MOB3B: variants seen among roughly 807,000 people sequenced by gnomAD.
The protein encoded by MOB3B is MOB kinase activator 3B.
In MOB3B, 7 loss-of-function variants were observed where a neutral mutation model predicts 18.7. The observed-to-expected ratio is 0.37, with a 90% CI of 0.21 to 0.70. MOB3B has a LOEUF of 0.70. Ranked by LOEUF, MOB3B falls within the 30% of genes least tolerant of loss-of-function variation. MOB3B has a pLI of 0.52. For missense variants in MOB3B, 253 were observed against 281.3 expected (o/e 0.90, Z 0.72); for synonymous variants, 111 against 99.9 (o/e 1.11, Z -0.66).
At chr9:27,453,700 G>A (rs1311522954) in intron 2 of MOB3B, among the ~76,000 whole-genome samples, 1 of 152,130 alleles carries the variant, frequency 6.6e-6, no homozygotes, top group East Asian at 1.9e-4. Context: ...GACACAGGGG[G>A]AAGGACAAAG....
intron 1 of MOB3B, among the ~76,000 whole-genome samples, chr9:27,482,641 C>T (rs1287813214): frequency 6.6e-6 from 1 of 151,098 alleles, no homozygotes; most frequent in Non-Finnish European, 1.5e-5. Context: ...CACCATTGCC[C>T]GTGCTGGTGG....
intron 2 of MOB3B, chr9:27,397,067 T>G (rs1298584391): frequency 6.6e-6 from 1 of 152,194 alleles, no homozygotes; most frequent in Non-Finnish European, 1.5e-5. Context: ...CTTTGTGTAG[T>G]GGAAAAGACC....
chr9:27,472,668 C>T (rs576569948), intron 1 of MOB3B, among the ~76,000 whole-genome samples: 1 of 120,122 alleles, frequency 8.3e-6, no homozygotes, highest in South Asian at 2.8e-4. Context: ...CTTTAAACTG[C>T]ACTTTATTCT....
At chr9:27,365,162 CAAAAAA>C (rs61043046) in intron 2 of MOB3B, among the ~76,000 whole-genome samples, 35 of 109,814 alleles carry the variant, frequency 3.2e-4, no homozygotes, top group African/African-American at 1.2e-3. Flanking sequence ...TTGGGGGAGG[CAAAAAA>C]AAAAAAAGAA....
In MOB3B at chr9:27,359,163, G is replaced by A. The variant is rs1032103404; in HGVS notation, c.492C>T (p.His164=). 7 of 1,614,006 alleles carry A rather than the reference G, an allele frequency of 4.3e-6. No individual in the cohort carries two copies. Among genetic ancestry groups the A allele is most frequent in the Admixed American group, 1.7e-5 (1 of 59,994 alleles). Residue 164 remains histidine (H), a synonymous_variant, in exon 3 of 4, where the codon CAC becomes CAT. Coordinates refer to ENST00000262244, the MANE Select transcript of MOB3B (RefSeq NM_024761.5). The part of the protein sequence containing the change: ...ILCRLFRVFV[H]VYIHHFDRVI... ...CCCGGTCGAAGTGGTGGATATAGAC[G>A]TGGACAAAGACCCGGAAAAGGCGGC...
chr9:27,459,174 T>G (rs1587231301), intron 1 of MOB3B, among the ~76,000 whole-genome samples: 1 of 152,314 alleles, frequency 6.6e-6, no homozygotes, highest in Non-Finnish European at 1.5e-5. Context: ...AAAAGGGAAC[T>G]GTAAATGCAC....
intron 2 of MOB3B, among the ~76,000 whole-genome samples, chr9:27,426,125 TC>T (rs892197772): frequency 4.6e-5 from 7 of 152,144 alleles, no homozygotes; most frequent in Non-Finnish European, 8.8e-5. Flanking sequence ...GCTACTGTTA[TC>T]CCCCATTTTA....
At chr9:27,433,413 A>T (rs1480083601) in intron 2 of MOB3B, among the ~76,000 whole-genome samples, 3 of 152,198 alleles carry the variant, frequency 2.0e-5, no homozygotes, top group Admixed American at 2.0e-4. Flanking sequence ...ATTAAGCCAC[A>T]TAGAGGTGAA....
At chr9:27,420,732 G>A (rs970876890) in intron 2 of MOB3B, among the ~76,000 whole-genome samples, 1 of 151,298 alleles carries the variant, frequency 6.6e-6, no homozygotes, top group Non-Finnish European at 1.5e-5. Flanking sequence ...TGATATGTGG[G>A]AGCTAAGCTA....
At chr9:27,502,988 C>A (rs1977661) in intron 1 of MOB3B, among the ~76,000 whole-genome samples, 19,569 of 152,158 alleles carry the variant, frequency 0.13, 1,412 homozygotes, top group East Asian at 0.3. Flanking sequence ...ATCTGCAGAC[C>A]CTTTTTCTTG....
chr9:27,430,169 GCA>G (rs373959931), intron 2 of MOB3B, among the ~76,000 whole-genome samples: 11 of 152,256 alleles, frequency 7.2e-5, no homozygotes, highest in African/African-American at 2.4e-4. Flanking sequence ...CCTCTGCCAG[GCA>G]CACCTTTTTA....
chr9:27,476,037 T>C (rs1819549285), intron 1 of MOB3B, among the ~76,000 whole-genome samples: 1 of 152,230 alleles, frequency 6.6e-6, no homozygotes, highest in African/African-American at 2.4e-5. Flanking sequence ...AATGTTGCTA[T>C]ATTGGTTTAC....
At chr9:27,525,314 A>G (rs1283242750) in intron 1 of MOB3B, among the ~76,000 whole-genome samples, 1 of 152,206 alleles carries the variant, frequency 6.6e-6, no homozygotes, top group East Asian at 1.9e-4. Flanking sequence ...GGAGCAGAGA[A>G]TGTTGCAAAA....
At chr9:27,402,145 C>T (rs1443366469) in intron 2 of MOB3B, among the ~76,000 whole-genome samples, 4 of 152,192 alleles carry the variant, frequency 2.6e-5, no homozygotes, top group Non-Finnish European at 4.4e-5. Context: ...AACTGTAACA[C>T]TTATAAAGCA....
intron 3 of MOB3B, among the ~76,000 whole-genome samples, chr9:27,339,692 T>A (rs371822212): frequency 6.6e-6 from 1 of 152,240 alleles, no homozygotes; most frequent in Non-Finnish European, 1.5e-5. Context: ...CTGGCCAAGG[T>A]TGAAACTTGA....
At chr9:27,381,363 C>T (rs1202658551) in intron 2 of MOB3B, among the ~76,000 whole-genome samples, 2 of 152,162 alleles carry the variant, frequency 1.3e-5, no homozygotes, top group East Asian at 3.9e-4. Flanking sequence ...CTGAGGACTG[C>T]TAAAGACTTA....
Position 27,351,957 on chromosome 9 carries a change from T to G in MOB3B, c.621+7077A>C, listed in dbSNP as rs189122247. Among the ~76,000 whole-genome samples, 103 of 152,244 alleles carry G rather than the reference T, an allele frequency of 6.8e-4. 1 individual carries two copies. Among genetic ancestry groups the G allele is most frequent in the Middle Eastern group, 6.8e-3 (2 of 292 alleles). On this transcript the variant is annotated intron_variant, in intron 3 of 3. Coordinates refer to ENST00000262244, the MANE Select transcript of MOB3B (RefSeq NM_024761.5). ...TTTTGGTGGTAGAGCCTACCATAAA[T>G]CTCAATCATTAGCCAAGAGGCACCT... is the stretch of plus-strand genomic sequence containing the variant.
chr9:27,434,248 G>T (rs1013319344), intron 2 of MOB3B, among the ~76,000 whole-genome samples: 1 of 152,102 alleles, frequency 6.6e-6, no homozygotes, highest in Non-Finnish European at 1.5e-5. Flanking sequence ...CAATATACTT[G>T]TCTTTCCTGC....
At chr9:27,441,912 A>G (rs554941501) in intron 2 of MOB3B, among the ~76,000 whole-genome samples, 34 of 152,084 alleles carry the variant, frequency 2.2e-4, no homozygotes, top group South Asian at 2.1e-3. Flanking sequence ...CCAACCACAT[A>G]CTCATGTCAG....
Sources: gnomAD v4.1 joint callset for allele counts (sites outside exome capture counted in the v4.1 genomes callset) on GRCh38, gnomAD v4.1.1 for gene constraint, MANE v1.5 for transcripts, NCBI Gene and HGNC (gene_info 2026-07-23, HGNC 2026-07-21) for gene names.